Variants in DOCK2 observed in about 807,000 individuals in gnomAD.
The protein encoded by DOCK2 is dedicator of cytokinesis 2, also known as dedicator of cytokinesis protein 2.
Under a neutral mutation model 248.9 loss-of-function variants are expected in DOCK2, and 87 were observed. The observed-to-expected ratio is 0.35, with a 90% CI of 0.29 to 0.42. The LOEUF (loss-of-function observed/expected upper bound fraction) is 0.42. Ranked by LOEUF, DOCK2 falls within the 10% of genes least tolerant of loss-of-function variation. The probability of loss-of-function intolerance (pLI) is 1.00; values close to 1 mark genes in which losing one functional copy is unlikely to be tolerated. For missense variants in DOCK2, 1,747 were observed against 2,300.2 expected, an observed-to-expected ratio of 0.76 and a Z score of 4.92; for synonymous variants, 805 against 821.6, an observed-to-expected ratio of 0.98 and a Z score of 0.35.
At chr5:169,887,522 A>G (rs964037411) in intron 27 of DOCK2, among the ~76,000 whole-genome samples, 1 of 152,200 alleles carries the variant, frequency 6.6e-6, no homozygotes, top group Non-Finnish European at 1.5e-5. Flanking sequence ...TGTTCACTGA[A>G]CAACCTGGAG....
intron 36 of DOCK2, chr5:170,040,827 A>G: frequency 2.0e-6 from 1 of 490,844 alleles, no homozygotes; most frequent in Non-Finnish European, 3.5e-6. Flanking sequence ...CATAAATATT[A>G]AGTAATCTAA....
intron 27 of DOCK2, among the ~76,000 whole-genome samples, chr5:169,896,094 C>T (rs1773587901): frequency 6.6e-6 from 1 of 152,060 alleles, no homozygotes; most frequent in Admixed American, 6.5e-5. Flanking sequence ...GCCTGATTGG[C>T]TGCACTGGGG....
intron 36 of DOCK2, among the ~76,000 whole-genome samples, chr5:170,038,784 C>T (rs1382090308): frequency 6.6e-6 from 1 of 152,174 alleles, no homozygotes; most frequent in African/African-American, 2.4e-5. Flanking sequence ...CTTGAGTTAA[C>T]AAGGAAGAGG....
Position 170,041,146 on chromosome 5 carries a change from G to A in DOCK2, c.3756+1G>A, listed in dbSNP as rs1243131881. The A allele has an allele frequency of 6.2e-7, 1 of 1,613,378 alleles. No homozygotes were observed. The highest frequency in any genetic ancestry group is 8.5e-7 in the Non-Finnish European group (1 of 1,179,354). ...CCTTCTCCACACCTGGCTTCTCAAG[G>A]TACAGTCACTTTGGGTGAAGGGCAT... is the stretch of plus-strand genomic sequence containing the variant. On this transcript the variant is annotated splice_donor_variant, in intron 37 of 51. Transcript: ENST00000520908. LOFTEE classifies it high-confidence loss of function.
intron 44 of DOCK2, among the ~76,000 whole-genome samples, chr5:170,064,488 A>T (rs1011419087): frequency 2.0e-5 from 3 of 151,950 alleles, no homozygotes; most frequent in Admixed American, 2.0e-4. Context: ...AGAAGGGTTC[A>T]ATAGCTGACT....
intron 25 of DOCK2, among the ~76,000 whole-genome samples, chr5:169,777,660 G>C (rs1296262689): frequency 1.3e-5 from 2 of 152,176 alleles, no homozygotes; most frequent in African/African-American, 4.8e-5. Flanking sequence ...CTTCACCTCT[G>C]TAAGCATCTG....
chr5:169,904,790 G>C (rs1774176434), intron 27 of DOCK2, among the ~76,000 whole-genome samples: 1 of 152,158 alleles, frequency 6.6e-6, no homozygotes, highest in African/African-American at 2.4e-5. Flanking sequence ...TAATTTGTGG[G>C]TTTGCTAATC....
intron 2 of DOCK2, among the ~76,000 whole-genome samples, chr5:169,665,778 T>C (rs922486325): frequency 6.6e-6 from 1 of 152,206 alleles, no homozygotes; most frequent in Non-Finnish European, 1.5e-5. Flanking sequence ...AAAGGCCATG[T>C]GGCTTGGAAA....
intron 27 of DOCK2, among the ~76,000 whole-genome samples, chr5:169,937,756 G>A (rs1313334248): frequency 1.3e-5 from 2 of 152,206 alleles, no homozygotes; most frequent in Admixed American, 1.3e-4. Context: ...CTGGCAAGCT[G>A]CTCAAGGGAA....
At chr5:169,779,834 C>T (rs1765595693) in intron 25 of DOCK2, among the ~76,000 whole-genome samples, 2 of 152,138 alleles carry the variant, frequency 1.3e-5, no homozygotes, top group Admixed American at 1.3e-4. Context: ...CAGCCAGTTC[C>T]TAGGGAGGCA....
chr5:170,027,814 C>G, intron 33 of DOCK2, 49 bp from the exon 34 acceptor site: 1 of 1,542,816 alleles, frequency 6.5e-7, no homozygotes, highest in Non-Finnish European at 8.9e-7. Flanking sequence ...CTAATTTCAG[C>G]CCTCAGCCTT....
intron 2 of DOCK2, among the ~76,000 whole-genome samples, chr5:169,662,875 A>G (rs114210614): frequency 6.6e-6 from 1 of 152,152 alleles, no homozygotes; most frequent in Non-Finnish European, 1.5e-5. Flanking sequence ...CCCAAATCTC[A>G]TGTCCTTCTT....
chr5:169,967,318 A>G (rs1777338482), intron 27 of DOCK2, among the ~76,000 whole-genome samples: 1 of 152,170 alleles, frequency 6.6e-6, no homozygotes, highest in Non-Finnish European at 1.5e-5. Flanking sequence ...AGAGGTGACT[A>G]TGTCAATTGT....
intron 1 of DOCK2, among the ~76,000 whole-genome samples, chr5:169,639,912 G>A (rs1757056165): frequency 6.6e-6 from 1 of 152,212 alleles, no homozygotes; most frequent in South Asian, 2.1e-4. Flanking sequence ...CAACAGAAAT[G>A]TATTTTCTCA....
intron 27 of DOCK2, among the ~76,000 whole-genome samples, chr5:169,861,633 G>A (rs921344543): frequency 6.6e-5 from 10 of 152,294 alleles, no homozygotes; most frequent in South Asian, 2.1e-4. Context: ...TAGATGTTAC[G>A]TAATATTTTA....
At chr5:169,848,525 C>T (rs1420779370) in intron 27 of DOCK2, among the ~76,000 whole-genome samples, 2 of 152,248 alleles carry the variant, frequency 1.3e-5, no homozygotes, top group Admixed American at 1.3e-4. Flanking sequence ...CTAGAGAGGG[C>T]TGTCCCGTCT....
intron 46 of DOCK2, among the ~76,000 whole-genome samples, chr5:170,071,930 TGA>T (rs1757693107): frequency 6.6e-6 from 1 of 152,246 alleles, no homozygotes; most frequent in Non-Finnish European, 1.5e-5. Context: ...ATTTTGTTTA[TGA>T]GTCATAACTA....
intron 22 of DOCK2, among the ~76,000 whole-genome samples, chr5:169,726,358 A>AT (rs1286709732): frequency 2.0e-5 from 3 of 151,740 alleles, no homozygotes; most frequent in Non-Finnish European, 2.9e-5. Flanking sequence ...GGGTTGTTTG[A>AT]TTTTTTCTTG....
chr5:169,747,696 C>T (rs1406338215), intron 23 of DOCK2, among the ~76,000 whole-genome samples, 192 bp downstream of exon 23: 1 of 152,206 alleles, frequency 6.6e-6, no homozygotes, highest in Non-Finnish European at 1.5e-5. Flanking sequence ...ACCCATGAAG[C>T]TAGCAGTGCC....
Sources: gnomAD v4.1 joint callset for allele counts (sites outside exome capture counted in the v4.1 genomes callset) on GRCh38, gnomAD v4.1.1 for gene constraint, MANE v1.5 for transcripts, NCBI Gene and HGNC (gene_info 2026-07-23, HGNC 2026-07-21) for gene names.